Variants in NUP107 observed in about 807,000 individuals in gnomAD.
The protein encoded by NUP107 is nucleoporin 107, also known as nuclear pore complex protein Nup107.
Under a neutral mutation model 141.0 loss-of-function variants are expected in NUP107, and 101 were observed. The observed-to-expected ratio is 0.72, with a 90% CI of 0.61 to 0.84. The LOEUF (loss-of-function observed/expected upper bound fraction) is 0.84. Among genes scored for constraint, NUP107 ranks in the 40% least tolerant of loss-of-function variants. The pLI, the probability that NUP107 is intolerant of heterozygous loss-of-function variation, is 0.00. For missense variants in NUP107, 941 were observed against 1,102.7 expected, an observed-to-expected ratio of 0.85 and a Z score of 2.08; for synonymous variants, 319 against 363.9, an observed-to-expected ratio of 0.88 and a Z score of 1.41.
rs764852179 is a variant in NUP107 at position 68,732,636 on chromosome 12, G to A, written c.1999-1G>A. 1 of 1,575,254 alleles carries A rather than the reference G, an allele frequency of 6.3e-7. No individual in the cohort carries two copies. The highest frequency in any genetic ancestry group is 1.2e-5 in the South Asian group (1 of 85,910). On this transcript the variant is annotated splice_acceptor_variant, in intron 22 of 27. Transcript: ENST00000229179. LOFTEE classifies it high-confidence loss of function. The stretch of plus-strand genomic sequence containing the variant: ...TTCTTTTTTTCCCCTTTAATAAATA[G>A]GAGGATCGTTTAAAAATTGATGTAA...
At chr12:68,694,877 G>T (rs987580807) in intron 5 of NUP107, among the ~76,000 whole-genome samples, 29 of 152,086 alleles carry the variant, frequency 1.9e-4, no homozygotes, top group Non-Finnish European at 3.7e-4. Flanking sequence ...CCTCCATCCT[G>T]GGCAACAAGA....
intron 26 of NUP107, among the ~76,000 whole-genome samples, chr12:68,737,067 AG>A (rs1878106472): frequency 6.6e-6 from 1 of 152,162 alleles, no homozygotes; most frequent in African/African-American, 2.4e-5. Flanking sequence ...AACCTTCCAC[AG>A]GTTCCTCTGG....
intron 19 of NUP107, among the ~76,000 whole-genome samples, chr12:68,726,877 A>T (rs1320103541): frequency 1.3e-5 from 2 of 152,234 alleles, no homozygotes; most frequent in African/African-American, 4.8e-5. Context: ...ACCCAGCTTT[A>T]AATCAACCAG....
intron 3 of NUP107, 128 bp from the exon 4 acceptor site, chr12:68,690,503 A>G: frequency 8.7e-7 from 1 of 1,154,794 alleles, no homozygotes; most frequent in Non-Finnish European, 1.2e-6. Context: ...CATTTAAAGT[A>G]TTTATTTGGT....
intron 17 of NUP107, among the ~76,000 whole-genome samples, chr12:68,725,141 G>A (rs1877505886): frequency 6.6e-6 from 1 of 152,148 alleles, no homozygotes; most frequent in African/African-American, 2.4e-5. Flanking sequence ...ATTAATAAAT[G>A]CTGAAAGAAA....
chr12:68,708,926 G>GT (rs1592503242), intron 8 of NUP107, among the ~76,000 whole-genome samples: 1 of 151,996 alleles, frequency 6.6e-6, no homozygotes, highest in Admixed American at 6.6e-5. Flanking sequence ...GCCTATTAAA[G>GT]TTTTTTGTTT....
chr12:68,713,638 C>A, intron 10 of NUP107, 92 bp from the exon 11 acceptor site: 1 of 880,480 alleles, frequency 1.1e-6, no homozygotes, highest in South Asian at 1.5e-5. Context: ...GGATTGTAGT[C>A]TGTCTTTCTT....
intron 10 of NUP107, 105 bp from the exon 11 acceptor site, chr12:68,713,625 C>T: frequency 1.3e-6 from 1 of 796,560 alleles, no homozygotes; most frequent in African/African-American, 1.8e-5. Context: ...CATGTTTTTA[C>T]TGGGATTGTA....
chr12:68,702,667 A>G, intron 7 of NUP107, 69 bp from the exon 8 acceptor site: 1 of 1,072,002 alleles, frequency 9.3e-7, no homozygotes, highest in Non-Finnish European at 1.4e-6. Flanking sequence ...CTTCTCTCAG[A>G]TGCTCAGTGG....
intron 8 of NUP107, among the ~76,000 whole-genome samples, chr12:68,704,934 G>A (rs1461331082): frequency 6.6e-6 from 1 of 151,772 alleles, no homozygotes; most frequent in Non-Finnish European, 1.5e-5. Flanking sequence ...ACAGGCCAGA[G>A]TGCAGTGGCA....
chr12:68,732,126 A>G (rs1301207028), intron 22 of NUP107, among the ~76,000 whole-genome samples: 1 of 152,106 alleles, frequency 6.6e-6, no homozygotes, highest in Admixed American at 6.6e-5. Context: ...AATATTTTCT[A>G]TAATTTATTT....
At chr12:68,691,286 A>T (rs761495413) in intron 4 of NUP107, among the ~76,000 whole-genome samples, 20 of 152,226 alleles carry the variant, frequency 1.3e-4, no homozygotes, top group Non-Finnish European at 2.4e-4. Flanking sequence ...TGACCAGAAG[A>T]AGTACATGCT....
At chr12:68,695,177 T>TA (rs1418913787) in intron 5 of NUP107, among the ~76,000 whole-genome samples, 1 of 152,196 alleles carries the variant, frequency 6.6e-6, no homozygotes, top group Non-Finnish European at 1.5e-5. Context: ...GGTTGGAATG[T>TA]AAAATAGTAC....
intron 17 of NUP107, among the ~76,000 whole-genome samples, chr12:68,722,792 T>C (rs1327044879): frequency 6.6e-6 from 1 of 152,232 alleles, no homozygotes; most frequent in Non-Finnish European, 1.5e-5. Flanking sequence ...TTAACCTTAT[T>C]CTTTTTAATA....
intron 26 of NUP107, among the ~76,000 whole-genome samples, chr12:68,737,780 A>G (rs1182040969): frequency 6.6e-6 from 1 of 152,198 alleles, no homozygotes. Context: ...ATACTCTTAC[A>G]TAGTCAATGA....
rs1488356216 is a variant in NUP107 at position 68,741,935 on chromosome 12, A to G, written c.2625A>G (p.Leu875=). ...LHSTGQYQEC[L]QLADMVSSER... is the part of the protein sequence containing the mutation. ...GTACTGGTCAGTATCAGGAATGCCT[A>G]CAGTTAGCAGATATGGTATCCTCTG... The change falls in exon 27 of 28, where the codon CTA becomes CTG. Residue 875 remains leucine (L), a synonymous_variant. Transcript: ENST00000229179. 3.7e-6 allele frequency: 6 copies of G among 1,613,104 alleles called. No individual in the cohort carries two copies. The highest frequency in any genetic ancestry group is 1.6e-4 in the Middle Eastern group (1 of 6,080).
chr12:68,722,603 A>G (rs1161726761), intron 17 of NUP107, among the ~76,000 whole-genome samples: 1 of 152,208 alleles, frequency 6.6e-6, no homozygotes, highest in Admixed American at 6.5e-5. Flanking sequence ...ATGATAAAAC[A>G]TACTGATATG....
Position 68,742,365 on chromosome 12 carries a change from A to G in NUP107, c.2681A>G (p.Lys894Arg). The stretch of plus-strand genomic sequence containing the variant: ...CTTTTTAAAAATCAGGTATTTTCTA[A>G]GGAAGAGCTAAGGAAGTTGCTGCAG... The part of the protein sequence containing the change: ...ERHKLYLVFS[K>R]EELRKLLQKL... Residue 894 changes from lysine to arginine, a missense_variant, in exon 28 of 28, where the codon AAG (lysine) becomes AGG (arginine). By Grantham distance (26) the Lys-to-Arg change is conservative. Coordinates refer to ENST00000229179, the MANE Select transcript of NUP107 (RefSeq NM_020401.4). The G allele has an allele frequency of 6.2e-7, 1 of 1,603,470 alleles. No homozygotes were observed. The highest frequency in any genetic ancestry group is 8.5e-7 in the Non-Finnish European group (1 of 1,171,704).
chr12:68,701,581 C>T (rs1876329522), intron 7 of NUP107, among the ~76,000 whole-genome samples: 1 of 151,748 alleles, frequency 6.6e-6, no homozygotes, highest in African/African-American at 2.4e-5. Context: ...ACTTGGGAGG[C>T]TGAGGCAGGA....
Sources: allele counts gnomAD v4.1 joint callset (sites outside exome capture counted in the v4.1 genomes callset), GRCh38; gene constraint gnomAD v4.1.1; transcripts MANE v1.5; gene names NCBI Gene and HGNC (gene_info 2026-07-23, HGNC 2026-07-21).